Variants in CNTNAP4 observed in about 807,000 individuals in gnomAD.
CNTNAP4 encodes contactin-associated protein-like 4.
In CNTNAP4, 98 loss-of-function variants were observed where a neutral mutation model predicts 148.4. The observed-to-expected ratio is 0.66, with a 90% confidence interval of 0.56 to 0.78. The LOEUF (loss-of-function observed/expected upper bound fraction) is 0.78. Ranked by LOEUF, CNTNAP4 falls within the 30% of genes least tolerant of loss-of-function variation. The pLI is 0.00. For missense variants in CNTNAP4, 1,935 were observed against 1,565.6 expected, an observed-to-expected ratio of 1.24 and a Z score of -3.98; for synonymous variants, 730 against 565.1, an observed-to-expected ratio of 1.29 and a Z score of -4.14.
intron 17 of CNTNAP4, among the ~76,000 whole-genome samples, chr16:76,531,587 G>A (rs1414387360): frequency 2.6e-5 from 4 of 152,120 alleles, no homozygotes; most frequent in Non-Finnish European, 5.9e-5. Context: ...AGTTCCAAAC[G>A]TAATAGCTCA....
intron 3 of CNTNAP4, among the ~76,000 whole-genome samples, chr16:76,372,138 ATT>A (rs35343278): frequency 6.4e-5 from 8 of 125,768 alleles, no homozygotes; most frequent in Non-Finnish European, 9.7e-5. Flanking sequence ...TCCAGCCCAA[ATT>A]TTTTTTTTTT....
chr16:76,331,713 G>A lies in CNTNAP4; in HGVS notation c.196+15190G>A, dbSNP rs933398070. On this transcript the variant is annotated intron_variant, in intron 2 of 23. Transcript: ENST00000611870. ...ACATAGACACATAGTTATAATTATTGTTTTATGCATTTGTCTTTTAAATTA... is the reference window on the plus strand; with the variant it reads ...ACATAGACACATAGTTATAATTATTATTTTATGCATTTGTCTTTTAAATTA... 4.6e-5 allele frequency among the ~76,000 whole-genome samples: 7 copies of A among 152,034 alleles called. 1 individual carries two copies. Among genetic ancestry groups the A allele is most frequent in the African/African-American group, 1.7e-4 (7 of 41,466 alleles).
chr16:76,317,971 T>C (rs1055083830), intron 2 of CNTNAP4, among the ~76,000 whole-genome samples: 2 of 152,126 alleles, frequency 1.3e-5, no homozygotes, highest in Non-Finnish European at 1.5e-5. Context: ...GTGTAGATAA[T>C]GCTAGCGTTT....
chr16:76,419,275 G>T (rs1458514623), intron 3 of CNTNAP4, among the ~76,000 whole-genome samples: 1 of 151,882 alleles, frequency 6.6e-6, no homozygotes, highest in Non-Finnish European at 1.5e-5. Context: ...GGCTGGAATG[G>T]GAGAAGTACT....
At chr16:76,309,836 C>A in intron 1 of CNTNAP4, 2 of 700,440 alleles carry the variant, frequency 2.9e-6, no homozygotes, top group Non-Finnish European at 5.2e-6. Context: ...TCAGGGGTTT[C>A]CGCTTTTGCT....
chr16:76,333,779 GT>G (rs549878036), intron 2 of CNTNAP4, among the ~76,000 whole-genome samples: 6,669 of 45,850 alleles, frequency 0.15, 206 homozygotes, highest in Admixed American at 0.21. Context: ...TGGGTTATAG[GT>G]TTTTTTTTTT....
chr16:76,462,162 C>T (rs1355495721), intron 9 of CNTNAP4, 57 bp downstream of exon 9: 72 of 1,433,158 alleles, frequency 5.0e-5, no homozygotes, highest in Non-Finnish European at 6.8e-5. Flanking sequence ...TTAGTGCCCC[C>T]GTGTCTTGGC....
intron 10 of CNTNAP4, among the ~76,000 whole-genome samples, chr16:76,470,218 C>A (rs1007840562): frequency 6.6e-6 from 1 of 152,068 alleles, no homozygotes; most frequent in African/African-American, 2.4e-5. Context: ...AGGGAAGTCT[C>A]CCTGAAATGT....
chr16:76,333,866 TC>T (rs1963777294), intron 2 of CNTNAP4, among the ~76,000 whole-genome samples: 2 of 147,018 alleles, frequency 1.4e-5, no homozygotes, highest in Non-Finnish European at 3.0e-5. Flanking sequence ...TAGTTTACAG[TC>T]CCACCAACAG....
At chr16:76,315,170 T>C (rs926947381) in intron 1 of CNTNAP4, among the ~76,000 whole-genome samples, 5 of 152,180 alleles carry the variant, frequency 3.3e-5, no homozygotes, top group African/African-American at 1.2e-4. Flanking sequence ...GTCGTTAATT[T>C]TTTGTTTGTT....
chr16:76,315,599 G>C (rs894366827), intron 1 of CNTNAP4, among the ~76,000 whole-genome samples: 3 of 152,046 alleles, frequency 2.0e-5, no homozygotes, highest in African/African-American at 7.2e-5. Context: ...TCTGTGCTGT[G>C]AAGTCTGTTT....
intron 3 of CNTNAP4, among the ~76,000 whole-genome samples, chr16:76,426,582 T>G (rs922325133): frequency 9.2e-5 from 14 of 152,170 alleles, no homozygotes; most frequent in African/African-American, 3.4e-4. Flanking sequence ...AAACAAAAGT[T>G]GCATAAATGT....
intron 10 of CNTNAP4, among the ~76,000 whole-genome samples, chr16:76,472,565 G>A (rs145696865): frequency 2.0e-5 from 3 of 152,260 alleles, no homozygotes; most frequent in African/African-American, 4.8e-5. Flanking sequence ...CTCCATCTAT[G>A]TTCCTGCAAA....
chr16:76,433,268 C>G (rs1013893599), intron 4 of CNTNAP4, among the ~76,000 whole-genome samples: 1 of 152,044 alleles, frequency 6.6e-6, no homozygotes, highest in Non-Finnish European at 1.5e-5. Flanking sequence ...TGTTAAAGAT[C>G]AGGAATAAAG....
chr16:76,531,818 C>T (rs1180556995), intron 17 of CNTNAP4, among the ~76,000 whole-genome samples: 1 of 152,110 alleles, frequency 6.6e-6, no homozygotes, highest in Non-Finnish European at 1.5e-5. Context: ...CGGTTTGTGT[C>T]TAATTAGACA....
chr16:76,529,087 A>G (rs115078223), intron 17 of CNTNAP4, among the ~76,000 whole-genome samples: 1 of 152,224 alleles, frequency 6.6e-6, no homozygotes, highest in Non-Finnish European at 1.5e-5. Context: ...CGCAATGAAC[A>G]TCTCCTCCTC....
intron 2 of CNTNAP4, among the ~76,000 whole-genome samples, chr16:76,348,291 T>C (rs553497563): frequency 6.0e-5 from 9 of 150,622 alleles, no homozygotes; most frequent in Admixed American, 2.0e-4. Context: ...GAATGGAAAA[T>C]CAGTTTTGGA....
intron 3 of CNTNAP4, among the ~76,000 whole-genome samples, chr16:76,367,026 A>C (rs1349197920): frequency 6.6e-6 from 1 of 151,846 alleles, no homozygotes; most frequent in African/African-American, 2.4e-5. Context: ...TGGTAAGGAG[A>C]ATTTACATGT....
intron 15 of CNTNAP4, among the ~76,000 whole-genome samples, chr16:76,508,347 A>G (rs1188623787): frequency 3.1e-5 from 3 of 97,544 alleles, no homozygotes; most frequent in African/African-American, 7.7e-5. Context: ...AAGAATGTCT[A>G]GTTCCATCTA....
Sources: allele counts gnomAD v4.1 joint callset (sites outside exome capture counted in the v4.1 genomes callset), GRCh38; gene constraint gnomAD v4.1.1; transcripts MANE v1.5; gene names NCBI Gene and HGNC (gene_info 2026-07-23, HGNC 2026-07-21).